TCTN1: variants seen among roughly 807,000 people sequenced by gnomAD.
TCTN1 encodes the protein tectonic family member 1.
Under a neutral mutation model 65.8 loss-of-function variants are expected in TCTN1, and 58 were observed. The ratio of observed to expected loss-of-function variants is 0.88; its 90% CI spans 0.71 to 1.10. TCTN1 has a LOEUF of 1.10. TCTN1 is among the 50% of genes least tolerant of loss of function. The pLI, the probability that TCTN1 is intolerant of heterozygous loss-of-function variation, is 0.00. For missense variants in TCTN1, 645 were observed against 719.4 expected, an observed-to-expected ratio of 0.90 and a Z score of 1.18; for synonymous variants, 273 against 289.1, an observed-to-expected ratio of 0.94 and a Z score of 0.57.
intron 10 of TCTN1, chr12:110,641,847 G>A: frequency 1.8e-6 from 1 of 568,978 alleles, no homozygotes. Flanking sequence ...CACGTCCTGG[G>A]AAAATGTCAG....
At chr12:110,615,916 C>G (rs2135851659) in intron 1 of TCTN1, among the ~76,000 whole-genome samples, 1 of 152,294 alleles carries the variant, frequency 6.6e-6, no homozygotes, top group East Asian at 1.9e-4. Flanking sequence ...CAAAAGCTCT[C>G]CTTTCTGAAT....
chr12:110,628,067 G>C, intron 3 of TCTN1: 2 of 1,535,888 alleles, frequency 1.3e-6, no homozygotes, highest in Non-Finnish European at 1.7e-6. Flanking sequence ...TTTACTCCAG[G>C]ACTTTCACGG....
chr12:110,641,315 G>A (rs573863725), intron 9 of TCTN1, among the ~76,000 whole-genome samples, 166 bp downstream of exon 9: 2 of 152,118 alleles, frequency 1.3e-5, no homozygotes, highest in Non-Finnish European at 2.9e-5. Context: ...CATTCTCCTT[G>A]TATCTTTTTT....
At position 110,649,283 on chromosome 12, in the gene TCTN1, G is replaced by T; in HGVS notation, c.*242G>T. On this transcript the variant is annotated 3_prime_UTR_variant, in exon 15 of 15. Transcript: ENST00000397659. ...GCTGTGTCCACCCAGAATCCATGCT[G>T]GCAGGAGGGAGGCAGAGGTATCAAA... The T allele has an allele frequency of 1.3e-6, 1 of 742,876 alleles. No individual in the cohort carries two copies. The highest frequency in any genetic ancestry group is 2.4e-6 in the Non-Finnish European group (1 of 417,852). The allele number at this position is 742,876 out of a possible 1,614,324, so 46.0% of individuals were successfully genotyped here.
At position 110,626,248 on chromosome 12, in the gene TCTN1, T is replaced by G. The variant is rs1361577083; in HGVS notation, c.342-114T>G. 10 of 1,218,024 alleles carry G rather than the reference T, an allele frequency of 8.2e-6. No homozygotes were observed. In the Admixed American group the frequency reaches 2.1e-4, roughly 26 times the overall value. The allele number at this position is 1,218,024 out of a possible 1,614,324, so 75.5% of individuals were successfully genotyped here. A position where few individuals can be genotyped will look rare whatever the true frequency, so the allele number is the denominator to read the frequency against. ...GGACGTCATGCTTTCATAAATATCC[T>G]CCACGTAACTGTTAACATAGTACAG... On this transcript the variant is annotated intron_variant, in intron 2 of 14. Transcript: ENST00000397659.
chr12:110,638,338 T>C (rs1405062027), intron 7 of TCTN1, among the ~76,000 whole-genome samples: 2 of 152,230 alleles, frequency 1.3e-5, no homozygotes, highest in East Asian at 3.8e-4. Flanking sequence ...GACAAGCATG[T>C]AAACTAATAG....
At position 110,640,335 on chromosome 12, in the gene TCTN1, T is replaced by A; in HGVS notation, c.844-48T>A. On this transcript the variant is annotated intron_variant, in intron 7 of 14. Transcript: ENST00000397659. This position sits in a 1 kb window ranked among gnomAD's most constrained non-coding sequence, Gnocchi z 4.9. ...CCAGTTGGTTGGTTATTTTAGCCCA[T>A]CCTCCCTGGGTAGAGCATCTTCAAC... The A allele has an allele frequency of 1.2e-6, 2 of 1,613,766 alleles. No homozygotes were observed. Among genetic ancestry groups the A allele is most frequent in the South Asian group, 2.2e-5 (2 of 90,950 alleles).
At chr12:110,641,498 T>A in intron 9 of TCTN1, 44 bp from the exon 10 acceptor site, 1 of 1,560,300 alleles carries the variant, frequency 6.4e-7, no homozygotes, top group East Asian at 2.2e-5. Context: ...CATTTCCTTA[T>A]TAAAATGAGA....
chr12:110,618,694 C>T (rs773765489), intron 1 of TCTN1, among the ~76,000 whole-genome samples: 29 of 151,958 alleles, frequency 1.9e-4, no homozygotes, highest in Non-Finnish European at 2.1e-4. Context: ...AAAAAGAAAA[C>T]GTTACAGATA....
rs2067668370 is a variant in TCTN1, at chr12:110,649,331, C to T, written c.*290C>T. On this transcript the variant is annotated 3_prime_UTR_variant, in exon 15 of 15. Coordinates refer to ENST00000397659, the MANE Select transcript of TCTN1 (RefSeq NM_001082538.3). ...AAACCAAACCTCTCACCAAGCGGCCCAGGAGGGGCAGCTGTTCCTCTCGTG... is the reference window on the plus strand; with the variant it reads ...AAACCAAACCTCTCACCAAGCGGCCTAGGAGGGGCAGCTGTTCCTCTCGTG... 1 of 1,188,928 alleles carries T rather than the reference C, an allele frequency of 8.4e-7. No individual in the cohort carries two copies. Among genetic ancestry groups the T allele is most frequent in the South Asian group, 1.3e-5 (1 of 78,622 alleles). 73.6% of individuals were successfully genotyped at this position (1,188,928 alleles called of 1,614,324 possible).
intron 10 of TCTN1, 157 bp from the exon 11 acceptor site, chr12:110,642,092 G>A: frequency 1.1e-6 from 1 of 915,700 alleles, no homozygotes; most frequent in South Asian, 1.5e-5. Flanking sequence ...AAATAGAACT[G>A]TTTTTTTGCC....
chr12:110,628,795 A>G lies in TCTN1; in HGVS notation c.501A>G (p.Pro167=). The G allele has an allele frequency of 6.2e-7, 1 of 1,609,218 alleles. No homozygotes were observed. Among genetic ancestry groups the G allele is most frequent in the South Asian group, 1.1e-5 (1 of 90,968 alleles). Residue 167 remains proline (P), a synonymous_variant, in exon 4 of 15, where the codon CCA becomes CCG. Transcript: ENST00000397659. ...NYKPALSFIN[P]EVPDENNFDT... ...AACCTGCATTATCCTTTATTAATCC[A>G]GAAGTACCTGATGAAAACAATTTTG...
intron 2 of TCTN1, among the ~76,000 whole-genome samples, chr12:110,621,762 G>A (rs1179184519): frequency 6.6e-6 from 1 of 151,894 alleles, no homozygotes; most frequent in African/African-American, 2.4e-5. Context: ...GTGAGCCACT[G>A]CGCCTAACCT....
chr12:110,646,788 G>T (rs899007944), intron 12 of TCTN1: 6 of 237,002 alleles, frequency 2.5e-5, no homozygotes, highest in Non-Finnish European at 5.0e-5. Context: ...AACATGACAT[G>T]CAATCAGGTT....
At chr12:110,633,266 A>AATGTATTCTGT (rs1334966262) in intron 5 of TCTN1, among the ~76,000 whole-genome samples, 1 of 152,200 alleles carries the variant, frequency 6.6e-6, no homozygotes, top group African/African-American at 2.4e-5. Flanking sequence ...GGACGATAGG[A>AATGTATTCTGT]ATGTATTCTG....
chr12:110,614,283 G>T lies in TCTN1; in HGVS notation c.101G>T (p.Gly34Val). The T allele has an allele frequency of 1.3e-6, 2 of 1,597,056 alleles. No individual in the cohort carries two copies. Among genetic ancestry groups the T allele is most frequent in the Non-Finnish European group, 1.7e-6 (2 of 1,172,544 alleles). Reference sequence around the variant, plus strand: ...GCCACCCCGGCGGTGACGACAGAGGGCCTCAACTCCACCGAGGCAGCCCTG... The same window carrying T: ...GCCACCCCGGCGGTGACGACAGAGGTCCTCAACTCCACCGAGGCAGCCCTG... The part of the protein sequence containing the change: ...TDATPAVTTE[G>V]LNSTEAALAT... Residue 34 changes from glycine (G) to valine (V), a missense_variant, in exon 1 of 15, where the codon GGC (glycine) becomes GTC (valine). Physicochemically the swap from Gly to Val is moderately radical, Grantham distance 109. Coordinates refer to ENST00000397659, the MANE Select transcript of TCTN1 (RefSeq NM_001082538.3).
chr12:110,647,684 G>GTC, intron 13 of TCTN1, 65 bp from the exon 14 acceptor site: 1 of 1,604,736 alleles, frequency 6.2e-7, no homozygotes, highest in Non-Finnish European at 8.5e-7. Flanking sequence ...AATGAAAAGT[G>GTC]TCTCATTGTT....
At chr12:110,636,083 A>G (rs1189495335) in intron 6 of TCTN1, 2 of 226,976 alleles carry the variant, frequency 8.8e-6, no homozygotes, top group East Asian at 2.2e-4. Context: ...GAGTCTGTGG[A>G]AATCGCCTGG....
At chr12:110,618,201 G>A (rs2065179350) in intron 1 of TCTN1, among the ~76,000 whole-genome samples, 1 of 151,180 alleles carries the variant, frequency 6.6e-6, no homozygotes, top group South Asian at 2.1e-4. Context: ...GCCTCCCTGA[G>A]TAGCTGGGAT....
Sources: gnomAD v4.1 joint callset for allele counts (sites outside exome capture counted in the v4.1 genomes callset) on GRCh38, gnomAD v4.1.1 for gene constraint, Gnocchi (gnomAD v3.1) non-coding constraint, MANE v1.5 for transcripts, NCBI Gene and HGNC (gene_info 2026-07-23, HGNC 2026-07-21) for gene names.